HPSE2: variants seen among roughly 807,000 people sequenced by gnomAD.
HPSE2 encodes the protein inactive heparanase-2.
A neutral mutation model predicts 60.5 loss-of-function variants in HPSE2; 38 were observed. That is an observed-to-expected ratio of 0.63 (90% CI 0.48 to 0.82). HPSE2 has a LOEUF of 0.82. Ranked by LOEUF, HPSE2 falls within the 40% of genes least tolerant of loss-of-function variation. The pLI is 0.00. For synonymous variants in HPSE2, 295 were observed against 293.2 expected (o/e 1.01, Z -0.06); for missense variants, 713 against 740.4 (o/e 0.96, Z 0.43).
chr10:98,539,662 C>T (rs1027054101), intron 9 of HPSE2, among the ~76,000 whole-genome samples: 9 of 152,192 alleles, frequency 5.9e-5, no homozygotes, highest in Non-Finnish European at 1.2e-4. Flanking sequence ...TTCTTACCCT[C>T]TCTGTATCTC....
intron 9 of HPSE2, among the ~76,000 whole-genome samples, chr10:98,557,725 C>T (rs938029199): frequency 2.3e-4 from 35 of 152,020 alleles, no homozygotes; most frequent in Non-Finnish European, 3.8e-4. Flanking sequence ...CCGAGGTGGG[C>T]GGATCATGAG....
At chr10:98,533,332 AC>A (rs1943186531) in intron 9 of HPSE2, among the ~76,000 whole-genome samples, 1 of 152,246 alleles carries the variant, frequency 6.6e-6, no homozygotes, top group South Asian at 2.1e-4. Flanking sequence ...TATGGAAGTC[AC>A]AATGGGACAG....
At chr10:98,587,611 T>C (rs1944973694) in intron 9 of HPSE2, among the ~76,000 whole-genome samples, 1 of 152,196 alleles carries the variant, frequency 6.6e-6, no homozygotes, top group Non-Finnish European at 1.5e-5. Context: ...GGCTGCTAAC[T>C]CTTGAGTACA....
intron 4 of HPSE2, among the ~76,000 whole-genome samples, chr10:98,734,175 A>ATGTATCAG (rs141868546): frequency 0.014 from 2,060 of 152,310 alleles, 41 homozygotes; most frequent in African/African-American, 0.046. Context: ...CATTTGTAGA[A>ATGTATCAG]TGTATCAGTA....
intron 3 of HPSE2, among the ~76,000 whole-genome samples, chr10:99,075,432 G>C (rs918026789): frequency 6.6e-6 from 1 of 152,190 alleles, no homozygotes; most frequent in African/African-American, 2.4e-5. Flanking sequence ...GCTAAGACTT[G>C]ATTTGTGGCT....
rs116154379 is a variant in HPSE2, at chr10:98,697,207, G to A, written c.957-3260C>T. Among the ~76,000 whole-genome samples the A allele has an allele frequency of 4.7e-3, 715 of 152,268 alleles. 2 individuals are homozygous for A. Among genetic ancestry groups the A allele is most frequent in the African/African-American group, 0.015 (640 of 41,560 alleles). The stretch of plus-strand genomic sequence containing the variant: ...CAGAAGGTGGGTAACAACAAACTCC[G>A]CTGAGCTCAAGGAGCATGTTCTAAC... On this transcript the variant is annotated intron_variant, in intron 5 of 11. Coordinates refer to ENST00000370552, the MANE Select transcript of HPSE2 (RefSeq NM_021828.5).
intron 3 of HPSE2, among the ~76,000 whole-genome samples, chr10:98,959,970 C>T (rs1321615771): frequency 6.6e-6 from 1 of 152,050 alleles, no homozygotes; most frequent in Non-Finnish European, 1.5e-5. Context: ...ATATCCTTGC[C>T]TCAGATTCTG....
intron 9 of HPSE2, among the ~76,000 whole-genome samples, chr10:98,580,627 G>C (rs1476942453): frequency 1.3e-5 from 2 of 151,600 alleles, no homozygotes; most frequent in East Asian, 3.9e-4. Context: ...ATACACTGTG[G>C]GCTCTCTTAG....
intron 3 of HPSE2, among the ~76,000 whole-genome samples, chr10:98,778,022 C>G (rs948906527): frequency 6.6e-6 from 1 of 152,084 alleles, no homozygotes; most frequent in Non-Finnish European, 1.5e-5. Flanking sequence ...ATGATTTCTT[C>G]TGGTTTGGCC....
chr10:99,149,028 A>C (rs185967128), intron 2 of HPSE2, among the ~76,000 whole-genome samples: 50 of 152,050 alleles, frequency 3.3e-4, no homozygotes, highest in African/African-American at 1.2e-3. Flanking sequence ...AAGTTTAAAA[A>C]ATAAATATAT....
intron 10 of HPSE2, among the ~76,000 whole-genome samples, chr10:98,487,166 T>A (rs1308063369): frequency 1.3e-5 from 2 of 152,200 alleles, no homozygotes; most frequent in Non-Finnish European, 2.9e-5. Flanking sequence ...GGCTTCCTCA[T>A]CAAAACTTGA....
intron 3 of HPSE2, among the ~76,000 whole-genome samples, chr10:98,755,685 C>A (rs866892398): frequency 2.3e-4 from 35 of 152,094 alleles, no homozygotes; most frequent in African/African-American, 8.4e-4. Flanking sequence ...CAGTGCAATA[C>A]AAATAGAAAT....
At chr10:99,141,881 T>C (rs932781963) in intron 3 of HPSE2, among the ~76,000 whole-genome samples, 1 of 152,250 alleles carries the variant, frequency 6.6e-6, no homozygotes, top group Non-Finnish European at 1.5e-5. Flanking sequence ...TTTTTGTTAC[T>C]ATACTGATAT....
At chr10:98,970,006 A>G (rs573963508) in intron 3 of HPSE2, among the ~76,000 whole-genome samples, 4 of 151,138 alleles carry the variant, frequency 2.6e-5, no homozygotes, top group Non-Finnish European at 5.9e-5. Context: ...CCTGTTGCCC[A>G]GCTGGAGTGC....
chr10:99,043,038 A>G (rs1957775353), intron 3 of HPSE2, among the ~76,000 whole-genome samples: 1 of 152,132 alleles, frequency 6.6e-6, no homozygotes, highest in South Asian at 2.1e-4. Context: ...ACATCCAGAA[A>G]CGAAGCCAAC....
At chr10:98,840,510 A>T (rs1402438420) in intron 3 of HPSE2, among the ~76,000 whole-genome samples, 1 of 152,200 alleles carries the variant, frequency 6.6e-6, no homozygotes, top group African/African-American at 2.4e-5. Flanking sequence ...AAGGGCTTCG[A>T]CTAGGGTGAT....
At chr10:98,524,457 G>A (rs1186074852) in intron 9 of HPSE2, among the ~76,000 whole-genome samples, 2 of 49,354 alleles carry the variant, frequency 4.1e-5, no homozygotes, top group African/African-American at 6.7e-5. Context: ...TTTTTTGAAT[G>A]CAGGAAGAAG....
chr10:99,005,007 C>A (rs942531012), intron 3 of HPSE2, among the ~76,000 whole-genome samples: 1 of 152,164 alleles, frequency 6.6e-6, no homozygotes, highest in Non-Finnish European at 1.5e-5. Context: ...GCTCAGAAGT[C>A]CACTGATAGC....
intron 3 of HPSE2, among the ~76,000 whole-genome samples, chr10:98,826,174 C>T (rs1175191755): frequency 6.6e-6 from 1 of 152,120 alleles, no homozygotes; most frequent in Admixed American, 6.5e-5. Context: ...TCTTGTTCAC[C>T]ACTGTATTCC....
Sources: allele counts gnomAD v4.1 joint callset (sites outside exome capture counted in the v4.1 genomes callset), GRCh38; gene constraint gnomAD v4.1.1; transcripts MANE v1.5; gene names NCBI Gene and HGNC (gene_info 2026-07-23, HGNC 2026-07-21).